The following DYNC1LI1 variants were observed in gnomAD, a reference collection of about 807,000 sequenced individuals.
The protein encoded by DYNC1LI1 is dynein cytoplasmic 1 light intermediate chain 1.
In DYNC1LI1, 19 loss-of-function variants were observed where a neutral mutation model predicts 63.8. The observed-to-expected ratio is 0.30, with a 90% CI of 0.21 to 0.44. DYNC1LI1 has a LOEUF of 0.44. Ranked by LOEUF, DYNC1LI1 falls within the 20% of genes least tolerant of loss-of-function variation. The pLI is 1.00. For synonymous variants in DYNC1LI1, 225 were observed against 232.3 expected (o/e 0.97, Z 0.28); for missense variants, 565 against 630.2 (o/e 0.90, Z 1.11).
At chr3:32,535,972 C>A (rs1186486718) in intron 6 of DYNC1LI1, among the ~76,000 whole-genome samples, 1 of 152,050 alleles carries the variant, frequency 6.6e-6, no homozygotes, top group Admixed American at 6.6e-5. Flanking sequence ...GCTACAGATA[C>A]CTACACTACA....
At chr3:32,535,126 A>C (rs1697757102) in intron 6 of DYNC1LI1, among the ~76,000 whole-genome samples, 1 of 152,220 alleles carries the variant, frequency 6.6e-6, no homozygotes, top group Admixed American at 6.5e-5. Context: ...CTCACTGGAG[A>C]GAGCAAAAGA....
intron 5 of DYNC1LI1, among the ~76,000 whole-genome samples, chr3:32,538,663 C>T (rs979066034): frequency 3.3e-5 from 5 of 151,372 alleles, no homozygotes; most frequent in South Asian, 2.1e-4. Flanking sequence ...ATTGCGCCAC[C>T]GCACTCTAGC....
At chr3:32,538,861 A>G (rs1399687056) in intron 5 of DYNC1LI1, among the ~76,000 whole-genome samples, 2 of 152,178 alleles carry the variant, frequency 1.3e-5, no homozygotes, top group Admixed American at 6.5e-5. Context: ...GGAAACACAC[A>G]TTTCTCCATA....
chr3:32,570,313 CGGGCG>C (rs753335409), intron 2 of DYNC1LI1, 28 bp downstream of exon 2: 9 of 1,513,636 alleles, frequency 5.9e-6, no homozygotes, highest in Admixed American at 5.6e-5. Context: ...CGCTGGGGGC[CGGGCG>C]GGGCGGGGCG....
chr3:32,568,585 A>G (rs1698300090), intron 2 of DYNC1LI1, among the ~76,000 whole-genome samples: 1 of 152,172 alleles, frequency 6.6e-6, no homozygotes, highest in African/African-American at 2.4e-5. Context: ...ACTCAGTCCC[A>G]TGCACAGACC....
chr3:32,550,510 C>T (rs1023017729), intron 2 of DYNC1LI1, among the ~76,000 whole-genome samples: 1 of 152,208 alleles, frequency 6.6e-6, no homozygotes, highest in African/African-American at 2.4e-5. Context: ...GCCATCACTA[C>T]AGCATGGTTG....
intron 2 of DYNC1LI1, among the ~76,000 whole-genome samples, chr3:32,557,487 A>G (rs1337507744): frequency 6.6e-6 from 1 of 152,106 alleles, no homozygotes; most frequent in Non-Finnish European, 1.5e-5. Flanking sequence ...GCACCACTGC[A>G]CTCCAGCCTG....
At chr3:32,557,098 T>C (rs1344006506) in intron 2 of DYNC1LI1, among the ~76,000 whole-genome samples, 1 of 152,224 alleles carries the variant, frequency 6.6e-6, no homozygotes, top group African/African-American at 2.4e-5. Context: ...ACAACCAAGC[T>C]GGACAGTGTT....
At chr3:32,541,532 A>G (rs1299728943) in intron 4 of DYNC1LI1, among the ~76,000 whole-genome samples, 1 of 152,196 alleles carries the variant, frequency 6.6e-6, no homozygotes. Flanking sequence ...AGGGCACTGT[A>G]TGGATAAAAG....
chr3:32,547,076 T>C (rs1489503954), intron 2 of DYNC1LI1, among the ~76,000 whole-genome samples: 1 of 152,054 alleles, frequency 6.6e-6, no homozygotes, highest in Non-Finnish European at 1.5e-5. Flanking sequence ...ACCCCATCTC[T>C]ACTAAAAATA....
intron 2 of DYNC1LI1, 163 bp downstream of exon 2, chr3:32,570,183 C>T: frequency 1.4e-6 from 1 of 724,786 alleles, no homozygotes; most frequent in African/African-American, 1.7e-5. Flanking sequence ...TCAAGGGTCT[C>T]GTGTTCCCCT....
At chr3:32,531,578 G>C (rs1575147913) in intron 8 of DYNC1LI1, 2 of 152,142 alleles carry the variant, frequency 1.3e-5, no homozygotes, top group East Asian at 3.8e-4. Context: ...CTCAATAAAA[G>C]AATGTGAAAT....
At chr3:32,543,398 C>CTTTTTT (rs968681360) in intron 4 of DYNC1LI1, among the ~76,000 whole-genome samples, 10 of 127,464 alleles carry the variant, frequency 7.8e-5, no homozygotes, top group East Asian at 4.7e-4. Flanking sequence ...TATTTCCTTT[C>CTTTTTT]TTTTTTTTTT....
intron 2 of DYNC1LI1, among the ~76,000 whole-genome samples, chr3:32,546,620 T>TA (rs890196594): frequency 4.6e-5 from 7 of 152,148 alleles, no homozygotes; most frequent in South Asian, 2.1e-4. Context: ...CTCTTACTCT[T>TA]AGCTTTCAAT....
chr3:32,557,879 AG>A (rs1171917200), intron 2 of DYNC1LI1, among the ~76,000 whole-genome samples: 1 of 152,228 alleles, frequency 6.6e-6, no homozygotes, highest in African/African-American at 2.4e-5. Context: ...GCAAGTAGAG[AG>A]TTCCTGTTCA....
At chr3:32,534,428 C>G in intron 7 of DYNC1LI1, 83 bp downstream of exon 7, 1 of 1,013,152 alleles carries the variant, frequency 9.9e-7, no homozygotes. Context: ...TCTATTGGTC[C>G]CATCTCAAAA....
At chr3:32,532,669 CA>C in intron 8 of DYNC1LI1, 1 of 202,948 alleles carries the variant, frequency 4.9e-6, no homozygotes, top group Non-Finnish European at 9.4e-6. Context: ...TCTACCTATT[CA>C]AACTCTGTAA....
intron 2 of DYNC1LI1, among the ~76,000 whole-genome samples, chr3:32,555,146 G>A (rs1698095679): frequency 6.6e-6 from 1 of 151,978 alleles, no homozygotes; most frequent in African/African-American, 2.4e-5. Flanking sequence ...CTGCAATTAT[G>A]GCATGAGCCA....
intron 2 of DYNC1LI1, among the ~76,000 whole-genome samples, chr3:32,567,399 G>A (rs1387515342): frequency 6.6e-6 from 1 of 152,142 alleles, no homozygotes; most frequent in East Asian, 1.9e-4. Context: ...GGAGGAGAGA[G>A]AATGTGGCAA....
Sources: gnomAD v4.1 joint callset for allele counts (sites outside exome capture counted in the v4.1 genomes callset) on GRCh38, gnomAD v4.1.1 for gene constraint, MANE v1.5 for transcripts, NCBI Gene and HGNC (gene_info 2026-07-23, HGNC 2026-07-21) for gene names.